TRIB2: variants seen among roughly 807,000 people sequenced by gnomAD.
TRIB2 encodes tribbles pseudokinase 2.
In TRIB2, 2 loss-of-function variants were observed where a neutral mutation model predicts 26.8. The ratio of observed to expected loss-of-function variants is 0.07; its 90% CI spans 0.03 to 0.24. The LOEUF is 0.24. Ranked by LOEUF, TRIB2 falls within the 10% of genes least tolerant of loss-of-function variation. The pLI, the probability that TRIB2 is intolerant of heterozygous loss-of-function variation, is 1.00. For missense variants in TRIB2, 306 were observed against 449.0 expected (o/e 0.68, Z 2.88); for synonymous variants, 189 against 187.3 (o/e 1.01, Z -0.08).
intron 2 of TRIB2, chr2:12,724,925 A>G (rs1661305679): frequency 6.9e-7 from 1 of 1,451,510 alleles, no homozygotes; most frequent in African/African-American, 1.4e-5. Context: ...AGATTTAATA[A>G]CTGCACCTAC....
chr2:12,718,271 G>A lies in TRIB2; in HGVS notation c.-37G>A, dbSNP rs1405153000. 1 of 1,591,688 alleles carries A rather than the reference G, an allele frequency of 6.3e-7. No individual in the cohort carries two copies. The highest frequency in any genetic ancestry group is 8.6e-7 in the Non-Finnish European group (1 of 1,167,304). On this transcript the variant is annotated 5_prime_UTR_variant, in exon 1 of 3. Transcript: ENST00000155926. The surrounding 1 kb of genome is among the most constrained non-coding windows in gnomAD (Gnocchi z 4.0). ...TCGCCAGCGACTCATCTCTCCAGCG[G>A]GTTTTTTTTTGTTTGTCGTGTGCGA...
chr2:12,734,237 C>T (rs1223956981), intron 2 of TRIB2, among the ~76,000 whole-genome samples: 3 of 152,138 alleles, frequency 2.0e-5, no homozygotes, highest in African/African-American at 7.2e-5. Context: ...TCATTTACAG[C>T]GTTTTAGGCA....
At chr2:12,728,506 C>T (rs1661380902) in intron 2 of TRIB2, among the ~76,000 whole-genome samples, 1 of 152,250 alleles carries the variant, frequency 6.6e-6, no homozygotes, top group Non-Finnish European at 1.5e-5. Flanking sequence ...AGGCTTCCTG[C>T]CATCCCTCTG....
At chr2:12,719,147 G>A (rs1383859105) in intron 1 of TRIB2, among the ~76,000 whole-genome samples, 1 of 152,152 alleles carries the variant, frequency 6.6e-6, no homozygotes. Flanking sequence ...TGAAAGGAGG[G>A]TTGGGGTGGA....
At chr2:12,733,235 G>C (rs1661495003) in intron 2 of TRIB2, among the ~76,000 whole-genome samples, 1 of 152,208 alleles carries the variant, frequency 6.6e-6, no homozygotes, top group Admixed American at 6.5e-5. Flanking sequence ...TCCGGTAAAT[G>C]GGCAGGTCTA....
chr2:12,718,232 G>C lies in TRIB2; in HGVS notation c.-76G>C. Reference sequence around the variant, plus strand: ...CTTTTAAAATCAGTGGCACCGAGGCGCCTGCAGCCGCACTCGCCAGCGACT... The same window carrying C: ...CTTTTAAAATCAGTGGCACCGAGGCCCCTGCAGCCGCACTCGCCAGCGACT... On this transcript the variant is annotated 5_prime_UTR_variant, in exon 1 of 3. Coordinates refer to ENST00000155926, the MANE Select transcript of TRIB2 (RefSeq NM_021643.4). The surrounding 1 kb of genome is among the most constrained non-coding windows in gnomAD (Gnocchi z 4.0). 6.5e-7 allele frequency: 1 copy of C among 1,545,116 alleles called. No individual in the cohort carries two copies. Among genetic ancestry groups the C allele is most frequent in the Non-Finnish European group, 8.7e-7 (1 of 1,145,622 alleles).
chr2:12,717,408 C>G lies in TRIB2; in HGVS notation c.-900C>G, dbSNP rs1329052565. On this transcript the variant is annotated 5_prime_UTR_variant, in exon 1 of 3. Transcript: ENST00000155926. The surrounding 1 kb of genome is among the most constrained non-coding windows in gnomAD (Gnocchi z 4.8). ...TCTGTCCTCGTTCTCTCCTGCACGT[C>G]TGGCTGCATTCGGAGGAAGACCTGG... is the stretch of plus-strand genomic sequence containing the variant. 7.5e-6 allele frequency: 3 copies of G among 398,342 alleles called. No homozygotes were observed. The highest frequency in any genetic ancestry group is 4.1e-5 in the African/African-American group (2 of 48,606). The allele number at this position is 398,342 out of a possible 1,614,324, so 24.7% of individuals were successfully genotyped here.
intron 2 of TRIB2, among the ~76,000 whole-genome samples, chr2:12,725,921 A>T (rs115564303): frequency 1.4e-4 from 21 of 152,278 alleles, no homozygotes; most frequent in African/African-American, 5.1e-4. Flanking sequence ...GACCTTGGAG[A>T]AAATGAGAAC....
Position 12,718,899 on chromosome 2 carries a change from GA to G in TRIB2, c.270+323del, listed in dbSNP as rs1666661797. ...AGGCCGGGTCCCGCTGCCCGGGGGG[GA>G]TTTCTTCCTGTGTCTAGCCCCCTCC... is the stretch of plus-strand genomic sequence containing the variant. On this transcript the variant is annotated intron_variant, in intron 1 of 2. Coordinates refer to ENST00000155926, the MANE Select transcript of TRIB2 (RefSeq NM_021643.4). This position sits in a 1 kb window ranked among gnomAD's most constrained non-coding sequence, Gnocchi z 4.0. 6.6e-6 allele frequency among the ~76,000 whole-genome samples: 1 copy of G among 152,058 alleles called. No individual in the cohort carries two copies. The highest frequency in any genetic ancestry group is 2.1e-4 in the South Asian group (1 of 4,820).
Position 12,740,976 on chromosome 2 carries a change from G to A in TRIB2, c.*182G>A, listed in dbSNP as rs1323337597. 13 of 620,796 alleles carry A rather than the reference G, an allele frequency of 2.1e-5. No individual in the cohort carries two copies. Among genetic ancestry groups the A allele is most frequent in the Admixed American group, 3.0e-5 (1 of 33,368 alleles). 38.5% of individuals were successfully genotyped at this position (620,796 alleles called of 1,614,324 possible). On this transcript the variant is annotated 3_prime_UTR_variant, in exon 3 of 3. Transcript: ENST00000155926. The surrounding 1 kb of genome is among the most constrained non-coding windows in gnomAD (Gnocchi z 5.8). ...ACCACGTAGCATGGGGGCAAGAGGC[G>A]TGGGATGGGGATTGGGGTGAGATGG...
At chr2:12,724,487 T>A (rs6432324) in intron 2 of TRIB2, 250,365 of 1,373,902 alleles carry the variant, frequency 0.18, 28,592 homozygotes, top group African/African-American at 0.53. Context: ...AGTTCCTGAA[T>A]GAGGCCCCAC....
intron 2 of TRIB2, among the ~76,000 whole-genome samples, chr2:12,729,583 T>A (rs1572481738): frequency 6.6e-6 from 1 of 152,216 alleles, no homozygotes; most frequent in East Asian, 1.9e-4. Context: ...GAAGTGACAT[T>A]TATTTAAGAC....
At chr2:12,728,858 T>C (rs1250423270) in intron 2 of TRIB2, among the ~76,000 whole-genome samples, 2 of 152,106 alleles carry the variant, frequency 1.3e-5, no homozygotes, top group Non-Finnish European at 2.9e-5. Context: ...GCTCTTAGTA[T>C]CTTTATTGGC....
chr2:12,719,062 G>T (rs1666665543), intron 1 of TRIB2, among the ~76,000 whole-genome samples: 1 of 152,140 alleles, frequency 6.6e-6, no homozygotes, highest in South Asian at 2.1e-4. Context: ...ACACACAAAG[G>T]TGCCCCCTTC....
chr2:12,721,753 T>C (rs559343339), intron 1 of TRIB2, among the ~76,000 whole-genome samples: 57 of 152,250 alleles, frequency 3.7e-4, no homozygotes, highest in African/African-American at 1.4e-3. Context: ...CTTTGCTTCC[T>C]TGGCCGTGTT....
In TRIB2 at chr2:12,717,677, AG is replaced by A; in HGVS notation, c.-630del. On this transcript the variant is annotated 5_prime_UTR_variant, in exon 1 of 3. Coordinates refer to ENST00000155926, the MANE Select transcript of TRIB2 (RefSeq NM_021643.4). The surrounding 1 kb of genome is among the most constrained non-coding windows in gnomAD (Gnocchi z 4.8). Reference sequence around the variant, plus strand: ...TGGAAAAGCCTCAGACGCCATCTACAGTTAAAACGTAGGTAACTGCCCTCTC... The same window carrying A: ...TGGAAAAGCCTCAGACGCCATCTACATTAAAACGTAGGTAACTGCCCTCTC... 1 of 392,874 alleles carries A rather than the reference AG, an allele frequency of 2.5e-6. No individual in the cohort carries two copies. The highest frequency in any genetic ancestry group is 4.4e-5 in the Admixed American group (1 of 22,554). The allele number at this position is 392,874 out of a possible 1,614,324, so 24.3% of individuals were successfully genotyped here.
chr2:12,731,318 C>T (rs1166166288), intron 2 of TRIB2, among the ~76,000 whole-genome samples: 1 of 151,954 alleles, frequency 6.6e-6, no homozygotes, highest in South Asian at 2.1e-4. Flanking sequence ...GTCCCCTGTG[C>T]CAGGACAGAG....
intron 1 of TRIB2, 98 bp from the exon 2 acceptor site, chr2:12,723,162 C>T (rs1661261924): frequency 7.4e-7 from 1 of 1,346,668 alleles, no homozygotes; most frequent in East Asian, 2.3e-5. Flanking sequence ...TATTTTCTGT[C>T]ATCTCAAAAG....
rs1485255290 is a variant in TRIB2, at chr2:12,740,335, C to T, written c.573C>T (p.Val191=). 6.2e-7 allele frequency: 1 copy of T among 1,613,122 alleles called. No individual in the cohort carries two copies. The highest frequency in any genetic ancestry group is 2.2e-5 in the East Asian group (1 of 44,866). ...FIFKDEERTR[V]KLESLEDAYI... is the part of the protein sequence containing the mutation. ...TCCTCCTTTCTTGCAGGACTCGGGT[C>T]AAGCTGGAAAGCCTGGAAGACGCCT... Residue 191 remains valine, a synonymous_variant, in exon 3 of 3, where the codon GTC becomes GTT. Transcript: ENST00000155926. The surrounding 1 kb of genome is among the most constrained non-coding windows in gnomAD (Gnocchi z 5.8).
Sources: allele counts gnomAD v4.1 joint callset (sites outside exome capture counted in the v4.1 genomes callset), GRCh38; gene constraint gnomAD v4.1.1; non-coding constraint Gnocchi (gnomAD v3.1); transcripts MANE v1.5; gene names NCBI Gene and HGNC (gene_info 2026-07-23, HGNC 2026-07-21).